The following TDRD10 variants were observed in gnomAD, a reference collection of about 807,000 sequenced individuals.
TDRD10 encodes tudor domain-containing protein 10.
In TDRD10, 40 loss-of-function variants were observed where a neutral mutation model predicts 48.0. That is an observed-to-expected ratio of 0.83 (90% CI 0.65 to 1.09). The LOEUF is 1.09. Among genes scored for constraint, TDRD10 ranks in the 50% least tolerant of loss-of-function variants. The pLI, the probability that TDRD10 is intolerant of heterozygous loss-of-function variation, is 0.00. For missense variants in TDRD10, 378 were observed against 434.7 expected (o/e 0.87, Z 1.16); for synonymous variants, 162 against 170.4 (o/e 0.95, Z 0.38).
chr1:154,518,415 A>G (rs1570919817), intron 4 of TDRD10, among the ~76,000 whole-genome samples: 1 of 152,064 alleles, frequency 6.6e-6, no homozygotes, highest in Non-Finnish European at 1.5e-5. Context: ...CCTCCTTTCA[A>G]ATCTATAATT....
intron 6 of TDRD10, among the ~76,000 whole-genome samples, chr1:154,526,003 A>G (rs1314456042): frequency 1.3e-5 from 2 of 151,108 alleles, no homozygotes; most frequent in Non-Finnish European, 1.5e-5. Flanking sequence ...GGAGTTTGAG[A>G]CCACCCTGGC....
chr1:154,535,643 C>T (rs889054218), intron 6 of TDRD10, among the ~76,000 whole-genome samples: 3 of 152,090 alleles, frequency 2.0e-5, no homozygotes, highest in Non-Finnish European at 4.4e-5. Flanking sequence ...ATTGTGCCAG[C>T]ACTCCAGCCT....
At position 154,520,294 on chromosome 1, in the gene TDRD10, G is replaced by C. The variant is rs927625177; in HGVS notation, c.142-10G>C. ...TCTGGGTCTCTCTCTTTTAAACCCTGCTGTTGTAGGAGGAAATTCTGTACC... is the reference window on the plus strand; with the variant it reads ...TCTGGGTCTCTCTCTTTTAAACCCTCCTGTTGTAGGAGGAAATTCTGTACC... On this transcript the variant is annotated splice_polypyrimidine_tract_variant and intron_variant, in intron 4 of 12. Transcript: ENST00000368482. 4.4e-6 allele frequency: 7 copies of C among 1,607,498 alleles called. No individual in the cohort carries two copies. Among genetic ancestry groups the C allele is most frequent in the Non-Finnish European group, 6.0e-6 (7 of 1,174,156 alleles).
chr1:154,524,879 C>T (rs1444399075), intron 6 of TDRD10, among the ~76,000 whole-genome samples: 2 of 152,200 alleles, frequency 1.3e-5, no homozygotes, highest in African/African-American at 4.8e-5. Flanking sequence ...CCACGGACAG[C>T]TTAGGCCTCA....
chr1:154,520,421 C>T (rs372725358), intron 5 of TDRD10, 47 bp downstream of exon 5: 3 of 1,506,546 alleles, frequency 2.0e-6, no homozygotes, highest in African/African-American at 2.7e-5. Context: ...AGCTCCTTTC[C>T]TCCCTGTCCA....
At chr1:154,531,684 G>C (rs1268306160) in intron 6 of TDRD10, among the ~76,000 whole-genome samples, 3 of 152,204 alleles carry the variant, frequency 2.0e-5, no homozygotes, top group Admixed American at 6.5e-5. Flanking sequence ...AAAGAACAAA[G>C]CTTCCACAGT....
intron 4 of TDRD10, among the ~76,000 whole-genome samples, chr1:154,512,666 A>G (rs1476470362): frequency 1.3e-5 from 2 of 152,112 alleles, no homozygotes; most frequent in African/African-American, 4.8e-5. Flanking sequence ...TTTAAGATGC[A>G]TATCTTCTAG....
chr1:154,526,040 A>T (rs1031714107), intron 6 of TDRD10, among the ~76,000 whole-genome samples: 7 of 150,762 alleles, frequency 4.6e-5, no homozygotes, highest in Admixed American at 6.6e-5. Flanking sequence ...CATCTCTAAT[A>T]AAAAAAATAC....
intron 2 of TDRD10, 113 bp downstream of exon 2, chr1:154,507,018 T>C: frequency 6.2e-7 from 1 of 1,602,700 alleles, no homozygotes; most frequent in Non-Finnish European, 8.5e-7. Context: ...TGGCATCTCT[T>C]GCCAGTTGAT....
At chr1:154,513,365 A>G (rs1222662316) in intron 4 of TDRD10, among the ~76,000 whole-genome samples, 1 of 152,238 alleles carries the variant, frequency 6.6e-6, no homozygotes, top group African/African-American at 2.4e-5. Flanking sequence ...TAGCATTTTC[A>G]GAGCAAACAA....
At chr1:154,544,746 G>A in intron 10 of TDRD10, 49 bp from the exon 11 acceptor site, 1 of 1,595,768 alleles carries the variant, frequency 6.3e-7, no homozygotes. Flanking sequence ...TGCTGTGCAT[G>A]GCACTAGGCG....
Position 154,547,704 on chromosome 1 carries a change from T to A in TDRD10, c.1050T>A (p.Ser350=), listed in dbSNP as rs1557842174. 8 of 1,613,750 alleles carry A rather than the reference T, an allele frequency of 5.0e-6. No individual in the cohort carries two copies. The highest frequency in any genetic ancestry group is 5.9e-6 in the Non-Finnish European group (7 of 1,179,898). ...SALHILKFEE[S]K ...TGCACATCCTAAAGTTTGAAGAGTC[T>A]AAATAACGGGGCTTCCCTCAGCATG... Residue 350 remains serine, a synonymous_variant, in exon 13 of 13, where the codon TCT becomes TCA. Transcript: ENST00000368482.
chr1:154,512,470 G>T (rs189542450), intron 4 of TDRD10, among the ~76,000 whole-genome samples: 2 of 152,110 alleles, frequency 1.3e-5, no homozygotes. Flanking sequence ...TCAGTCTCCC[G>T]AGTAGCTGGG....
chr1:154,532,427 C>T lies in TDRD10; in HGVS notation c.370-9597C>T, dbSNP rs567493004. Among the ~76,000 whole-genome samples, 5 of 152,290 alleles carry T rather than the reference C, an allele frequency of 3.3e-5. No homozygotes were observed. In the South Asian group the frequency reaches 6.2e-4, roughly 19 times the overall value. On this transcript the variant is annotated intron_variant, in intron 6 of 12. Transcript: ENST00000368482. The stretch of plus-strand genomic sequence containing the variant: ...CTCTAGCTGTCCTGCAAGCACCGCG[C>T]GCAGCCCTGGTTCCCACCTGTGCTT...
chr1:154,508,155 T>C (rs926969522), intron 3 of TDRD10, among the ~76,000 whole-genome samples: 1 of 152,152 alleles, frequency 6.6e-6, no homozygotes, highest in Non-Finnish European at 1.5e-5. Flanking sequence ...AGTATAGCCA[T>C]TCAGTGTTCA....
intron 6 of TDRD10, among the ~76,000 whole-genome samples, chr1:154,529,733 C>T (rs537393823): frequency 1.1e-4 from 16 of 151,486 alleles, no homozygotes; most frequent in East Asian, 2.0e-4. Context: ...TTAGTAGATA[C>T]GGGGTTTCAC....
rs1419458324 is a variant in TDRD10 at position 154,544,115 on chromosome 1, G to A, written c.651+5G>A. On this transcript the variant is annotated splice_donor_5th_base_variant and intron_variant, in intron 9 of 12. Coordinates refer to ENST00000368482, the MANE Select transcript of TDRD10 (RefSeq NM_182499.4). ...TGGGCTATGCACGTCACTGAGGTAT[G>A]GACTGGTTGTTGGCCCCCTCAGGCT... is the stretch of plus-strand genomic sequence containing the variant. The A allele has an allele frequency of 8.7e-6, 14 of 1,614,022 alleles. No individual in the cohort carries two copies. The highest frequency in any genetic ancestry group is 1.1e-5 in the Non-Finnish European group (13 of 1,180,010).
chr1:154,532,235 C>G (rs1242913707), intron 6 of TDRD10, among the ~76,000 whole-genome samples: 1 of 152,164 alleles, frequency 6.6e-6, no homozygotes, highest in Non-Finnish European at 1.5e-5. Flanking sequence ...CAAGCCCTGC[C>G]CTGCGGGGAG....
chr1:154,516,761 A>G (rs1344664417), intron 4 of TDRD10, among the ~76,000 whole-genome samples: 1 of 152,174 alleles, frequency 6.6e-6, no homozygotes, highest in Non-Finnish European at 1.5e-5. Context: ...AGCCTGGGCA[A>G]CATGACAAAA....
Sources: gnomAD v4.1 joint callset for allele counts (sites outside exome capture counted in the v4.1 genomes callset) on GRCh38, gnomAD v4.1.1 for gene constraint, MANE v1.5 for transcripts, NCBI Gene and HGNC (gene_info 2026-07-23, HGNC 2026-07-21) for gene names.